MAMDC2: variants seen among roughly 807,000 people sequenced by gnomAD.
MAMDC2 encodes MAM domain-containing protein 2.
MAMDC2 carries 57 observed loss-of-function variants against 89.8 expected under a neutral mutation model. The observed-to-expected ratio is 0.63, with a 90% CI of 0.51 to 0.79. The LOEUF (loss-of-function observed/expected upper bound fraction) is 0.79, where lower values mean the gene tolerates loss of function less well. Among genes scored for constraint, MAMDC2 ranks in the 30% least tolerant of loss-of-function variants. The pLI, the probability that MAMDC2 is intolerant of heterozygous loss-of-function variation, is 0.00. For synonymous variants in MAMDC2, 313 were observed against 293.4 expected (o/e 1.07, Z -0.68); for missense variants, 800 against 820.6 (o/e 0.97, Z 0.31).
intron 2 of MAMDC2, among the ~76,000 whole-genome samples, chr9:70,077,344 C>A (rs1827554822): frequency 6.6e-6 from 1 of 152,074 alleles, no homozygotes; most frequent in Non-Finnish European, 1.5e-5. Flanking sequence ...CATAAAGGCC[C>A]AAGGTTATAT....
intron 11 of MAMDC2, among the ~76,000 whole-genome samples, chr9:70,214,720 G>T (rs2033414057): frequency 6.6e-6 from 1 of 152,200 alleles, no homozygotes; most frequent in South Asian, 2.1e-4. Context: ...GGTGATAGCA[G>T]TGGAGGCGGT....
At chr9:70,074,112 G>T (rs1347636547) in intron 2 of MAMDC2, among the ~76,000 whole-genome samples, 1 of 152,182 alleles carries the variant, frequency 6.6e-6, no homozygotes, top group Non-Finnish European at 1.5e-5. Context: ...TAAATGAAAG[G>T]ATGCTGTTTG....
chr9:70,088,977 T>A (rs552068592), intron 2 of MAMDC2: 1 of 152,184 alleles, frequency 6.6e-6, no homozygotes, highest in Non-Finnish European at 1.5e-5. Flanking sequence ...GCACTTTCCA[T>A]GCATGATGTT....
intron 11 of MAMDC2, among the ~76,000 whole-genome samples, chr9:70,178,683 G>A (rs1430617698): frequency 2.6e-5 from 4 of 152,164 alleles, no homozygotes; most frequent in African/African-American, 9.7e-5. Flanking sequence ...AGGATCCCTA[G>A]GATCTTGTTC....
At chr9:70,106,381 G>A (rs1224759481) in intron 2 of MAMDC2, among the ~76,000 whole-genome samples, 2 of 152,052 alleles carry the variant, frequency 1.3e-5, no homozygotes, top group Non-Finnish European at 2.9e-5. Flanking sequence ...CTACTTCTTC[G>A]GAAAAGGTTT....
intron 12 of MAMDC2, among the ~76,000 whole-genome samples, chr9:70,222,375 G>C (rs897992813): frequency 1.3e-5 from 2 of 152,138 alleles, no homozygotes; most frequent in African/African-American, 4.8e-5. Context: ...TGAGTTCAGG[G>C]AAGAGAACAC....
intron 9 of MAMDC2, among the ~76,000 whole-genome samples, chr9:70,163,139 A>T (rs928508389): frequency 6.6e-6 from 1 of 151,472 alleles, no homozygotes; most frequent in African/African-American, 2.4e-5. Flanking sequence ...AATCCAGGGG[A>T]TGATTATTCA....
chr9:70,135,403 C>G (rs1044488813), intron 7 of MAMDC2, among the ~76,000 whole-genome samples: 1 of 152,166 alleles, frequency 6.6e-6, no homozygotes, highest in African/African-American at 2.4e-5. Context: ...CTTCAGGAAT[C>G]AGACACTGTC....
At chr9:70,211,162 A>G (rs1477198443) in intron 11 of MAMDC2, among the ~76,000 whole-genome samples, 5 of 152,088 alleles carry the variant, frequency 3.3e-5, no homozygotes, top group African/African-American at 4.8e-5. Context: ...CTGAATTTCT[A>G]TGTTGGCTTG....
chr9:70,184,241 G>C (rs1359716632), intron 11 of MAMDC2, among the ~76,000 whole-genome samples: 1 of 152,160 alleles, frequency 6.6e-6, no homozygotes, highest in Non-Finnish European at 1.5e-5. Context: ...GGTTTCTGCA[G>C]AGAGATCCAC....
chr9:70,225,667 T>C, intron 12 of MAMDC2, 83 bp from the exon 13 acceptor site: 1 of 831,546 alleles, frequency 1.2e-6, no homozygotes, highest in South Asian at 1.8e-5. Context: ...TACGTTTTCA[T>C]ATTTACAAAG....
At chr9:70,203,018 G>C (rs1373842569) in intron 11 of MAMDC2, among the ~76,000 whole-genome samples, 1 of 152,038 alleles carries the variant, frequency 6.6e-6, no homozygotes, top group Non-Finnish European at 1.5e-5. Context: ...CAATTTGCCA[G>C]TCTGTGTCTT....
At chr9:70,210,621 T>C (rs1476128419) in intron 11 of MAMDC2, among the ~76,000 whole-genome samples, 3 of 152,224 alleles carry the variant, frequency 2.0e-5, no homozygotes, top group African/African-American at 7.2e-5. Context: ...TTGGAGCATT[T>C]AGCCCATTTA....
intron 11 of MAMDC2, among the ~76,000 whole-genome samples, chr9:70,214,508 T>C (rs1300133285): frequency 6.6e-6 from 1 of 152,172 alleles, no homozygotes; most frequent in Admixed American, 6.5e-5. Flanking sequence ...CTAAAGCCAA[T>C]TGTAAGGACT....
At chr9:70,210,527 CTT>C (rs1224771185) in intron 11 of MAMDC2, among the ~76,000 whole-genome samples, 1 of 152,114 alleles carries the variant, frequency 6.6e-6, no homozygotes, top group Non-Finnish European at 1.5e-5. Context: ...CTATGTGTGT[CTT>C]TGCATGTGAG....
At chr9:70,124,208 G>A (rs1487764502) in intron 5 of MAMDC2, among the ~76,000 whole-genome samples, 1 of 152,132 alleles carries the variant, frequency 6.6e-6, no homozygotes, top group African/African-American at 2.4e-5. Flanking sequence ...ATGGGCCTAG[G>A]ACTATCAGAT....
rs746224060 is a variant in MAMDC2 at position 70,108,228 on chromosome 9, G to T, written c.166G>T (p.Asp56Tyr). 94 of 1,604,514 alleles carry T rather than the reference G, an allele frequency of 5.9e-5. No homozygotes were observed. The South Asian group carries it at 1.0e-3, about 18-fold the overall frequency. Residue 56 changes from aspartate to tyrosine, a missense_variant, in exon 3 of 14, where the codon GAT (aspartate) becomes TAT (tyrosine). Coordinates refer to ENST00000377182, the MANE Select transcript of MAMDC2 (RefSeq NM_153267.5). ...CTTTCCAGGCCATTACATTTATGTG[G>T]ATACCTCCTTTGGCAAGCAGGGGGA... ...LNEEGHYIYVDTSFGKQGEKA... is the reference protein window; with the variant it reads ...LNEEGHYIYVYTSFGKQGEKA...
chr9:70,221,405 A>AGAGAGAGAGAGT (rs2033562026), intron 12 of MAMDC2, among the ~76,000 whole-genome samples: 1 of 123,930 alleles, frequency 8.1e-6, no homozygotes, highest in African/African-American at 3.0e-5. Flanking sequence ...AGAGAGAGAG[A>AGAGAGAGAGAGT]GAGTAACATC....
At chr9:70,162,103 C>T (rs887707416) in intron 9 of MAMDC2, among the ~76,000 whole-genome samples, 1 of 152,088 alleles carries the variant, frequency 6.6e-6, no homozygotes, top group African/African-American at 2.4e-5. Flanking sequence ...AATTATAGGC[C>T]TAAATGGGGC....
Sources: allele counts gnomAD v4.1 joint callset (sites outside exome capture counted in the v4.1 genomes callset), GRCh38; gene constraint gnomAD v4.1.1; transcripts MANE v1.5; gene names NCBI Gene and HGNC (gene_info 2026-07-23, HGNC 2026-07-21).